SYT14: variants seen among roughly 807,000 people sequenced by gnomAD.
SYT14 encodes synaptotagmin-14.
Under a neutral mutation model 74.2 loss-of-function variants are expected in SYT14, and 32 were observed. The ratio of observed to expected loss-of-function variants is 0.43; its 90% confidence interval spans 0.33 to 0.58. The LOEUF (loss-of-function observed/expected upper bound fraction) is 0.58. Among genes scored for constraint, SYT14 ranks in the 20% least tolerant of loss-of-function variants. The pLI is 0.05. For synonymous variants in SYT14, 298 were observed against 337.7 expected, an observed-to-expected ratio of 0.88 and a Z score of 1.29; for missense variants, 791 against 981.8, an observed-to-expected ratio of 0.81 and a Z score of 2.60.
chr1:210,075,700 C>T (rs1486191807), intron 5 of SYT14, among the ~76,000 whole-genome samples: 1 of 152,032 alleles, frequency 6.6e-6, no homozygotes, highest in East Asian at 1.9e-4. Flanking sequence ...GGAAATGCAA[C>T]ATTTGGGCGC....
chr1:209,963,182 A>G (rs999868426), intron 2 of SYT14, among the ~76,000 whole-genome samples: 68 of 152,190 alleles, frequency 4.5e-4, no homozygotes, highest in African/African-American at 1.6e-3. Context: ...AATAGACATT[A>G]TAGTTCAGAT....
chr1:210,009,242 C>T (rs1361012647), intron 2 of SYT14, among the ~76,000 whole-genome samples: 1 of 152,120 alleles, frequency 6.6e-6, no homozygotes. Flanking sequence ...AGAACTGTTA[C>T]TGGCTGACTT....
At chr1:210,033,704 T>C (rs2080591019) in intron 5 of SYT14, among the ~76,000 whole-genome samples, 1 of 151,800 alleles carries the variant, frequency 6.6e-6, no homozygotes, top group Admixed American at 6.6e-5. Context: ...TCCAGATAGT[T>C]ATGAAAAAAG....
chr1:210,099,706 C>T (rs918616894), intron 6 of SYT14, among the ~76,000 whole-genome samples: 1 of 152,142 alleles, frequency 6.6e-6, no homozygotes, highest in Non-Finnish European at 1.5e-5. Context: ...CAGATATACC[C>T]ACTAAAGGAT....
intron 7 of SYT14, among the ~76,000 whole-genome samples, chr1:210,105,146 G>T (rs909761527): frequency 2.0e-5 from 3 of 152,146 alleles, no homozygotes; most frequent in African/African-American, 7.2e-5. Context: ...AAAACACTGA[G>T]GGTAGGGCCC....
chr1:210,073,022 A>G (rs963579618), intron 5 of SYT14, among the ~76,000 whole-genome samples: 15 of 152,024 alleles, frequency 9.9e-5, no homozygotes, highest in African/African-American at 3.4e-4. Context: ...AAAAAAAAAA[A>G]AAAATCTTGT....
chr1:210,013,734 G>A (rs2080131136), exon 3 of SYT14: 2 of 1,612,974 alleles, frequency 1.2e-6, no homozygotes, highest in Non-Finnish European at 1.7e-6. Flanking sequence ...TTTTGAAAAT[G>A]TTGGCGGGTT....
At chr1:210,005,859 A>C (rs1030903336) in intron 2 of SYT14, among the ~76,000 whole-genome samples, 4 of 151,932 alleles carry the variant, frequency 2.6e-5, no homozygotes, top group African/African-American at 9.7e-5. Context: ...TTCCATACTT[A>C]ATAAAAGTTT....
chr1:210,055,407 A>T (rs1301679829), intron 5 of SYT14, among the ~76,000 whole-genome samples: 1 of 152,208 alleles, frequency 6.6e-6, no homozygotes, highest in Non-Finnish European at 1.5e-5. Context: ...TTGTTGAAAA[A>T]AGTAAAAGTT....
chr1:210,165,941 G>C (rs1328618564), exon 10 of SYT14: 1 of 152,208 alleles, frequency 6.6e-6, no homozygotes, highest in Non-Finnish European at 1.5e-5. Context: ...GTTGTTCCAA[G>C]TGCTACAGAT....
At chr1:210,078,716 T>C (rs1052792225) in intron 5 of SYT14, among the ~76,000 whole-genome samples, 1 of 151,960 alleles carries the variant, frequency 6.6e-6, no homozygotes, top group Non-Finnish European at 1.5e-5. Flanking sequence ...AAAATTTTCA[T>C]TGACCGTCTA....
chr1:210,137,994 A>G (rs141981592), intron 7 of SYT14, among the ~76,000 whole-genome samples: 1,617 of 152,190 alleles, frequency 0.011, 35 homozygotes, highest in African/African-American at 0.037. Context: ...TTTTAATTAT[A>G]ATTTAAAATG....
chr1:210,041,740 A>G (rs1294948971), intron 5 of SYT14, among the ~76,000 whole-genome samples: 1 of 152,100 alleles, frequency 6.6e-6, no homozygotes, highest in East Asian at 1.9e-4. Context: ...CAGAGACCCT[A>G]CTACTTGGGT....
At chr1:210,132,282 C>T (rs2082690548) in intron 7 of SYT14, among the ~76,000 whole-genome samples, 1 of 152,098 alleles carries the variant, frequency 6.6e-6, no homozygotes, top group South Asian at 2.1e-4. Flanking sequence ...AAGTCCACCT[C>T]TTCATATCTT....
At chr1:210,095,350 A>T (rs2081950384) in intron 6 of SYT14, among the ~76,000 whole-genome samples, 2 of 152,170 alleles carry the variant, frequency 1.3e-5, no homozygotes, top group African/African-American at 2.4e-5. Flanking sequence ...GTCACAGCTC[A>T]CTGCAGCTTC....
chr1:210,039,805 A>G (rs916186837), intron 5 of SYT14, among the ~76,000 whole-genome samples: 1 of 152,234 alleles, frequency 6.6e-6, no homozygotes, highest in Non-Finnish European at 1.5e-5. Context: ...GTTATTAGAG[A>G]AATGCAAATC....
intron 5 of SYT14, among the ~76,000 whole-genome samples, chr1:210,088,769 C>T (rs2081796944): frequency 6.6e-6 from 1 of 151,868 alleles, no homozygotes; most frequent in African/African-American, 2.4e-5. Context: ...TTTCAGCCTC[C>T]CACCTCCCCC....
intron 5 of SYT14, among the ~76,000 whole-genome samples, chr1:210,044,052 T>C (rs2102354037): frequency 6.6e-6 from 1 of 152,284 alleles, no homozygotes; most frequent in African/African-American, 2.4e-5. Context: ...TCTTTTAATT[T>C]CTAGCAGTAG....
At chr1:210,061,582 A>C (rs1321013917) in intron 5 of SYT14, among the ~76,000 whole-genome samples, 1 of 151,916 alleles carries the variant, frequency 6.6e-6, no homozygotes, top group Non-Finnish European at 1.5e-5. Context: ...GTATCTTGAC[A>C]TGCTTAACTA....
Sources: gnomAD v4.1 joint callset for allele counts (sites outside exome capture counted in the v4.1 genomes callset) on GRCh38, gnomAD v4.1.1 for gene constraint, MANE v1.5 for transcripts, NCBI Gene and HGNC (gene_info 2026-07-23, HGNC 2026-07-21) for gene names.